The following FNDC3B variants were observed in gnomAD, a reference collection of about 807,000 sequenced individuals.
The protein encoded by FNDC3B is fibronectin type III domain-containing protein 3B.
A neutral mutation model predicts 151.5 loss-of-function variants in FNDC3B; 12 were observed. That is an observed-to-expected ratio of 0.08 (90% CI 0.05 to 0.13). The LOEUF is 0.13. Among genes scored for constraint, FNDC3B ranks in the 10% least tolerant of loss-of-function variants. The pLI is 1.00. For synonymous variants in FNDC3B, 528 were observed against 549.0 expected, an observed-to-expected ratio of 0.96 and a Z score of 0.54; for missense variants, 1,214 against 1,505.3, an observed-to-expected ratio of 0.81 and a Z score of 3.20.
At chr3:172,162,230 C>T (rs1198289421) in intron 3 of FNDC3B, among the ~76,000 whole-genome samples, 2 of 152,252 alleles carry the variant, frequency 1.3e-5, no homozygotes, top group Admixed American at 6.5e-5. Flanking sequence ...CCACCCACTT[C>T]GGCTTCCCAA....
At chr3:172,295,619 C>A (rs902033588) in intron 8 of FNDC3B, 105 bp downstream of exon 8, 5 of 1,029,070 alleles carry the variant, frequency 4.9e-6, no homozygotes, top group Non-Finnish European at 7.0e-6. Context: ...GCAAATTTTC[C>A]TTTAGTTTAT....
At chr3:172,235,801 G>A (rs1038400628) in intron 4 of FNDC3B, among the ~76,000 whole-genome samples, 1 of 152,204 alleles carries the variant, frequency 6.6e-6, no homozygotes, top group African/African-American at 2.4e-5. Flanking sequence ...ATTTTATGTT[G>A]ATGAATATGC....
At chr3:172,390,421 A>G (rs1735948259) in intron 25 of FNDC3B, among the ~76,000 whole-genome samples, 1 of 152,152 alleles carries the variant, frequency 6.6e-6, no homozygotes, top group Non-Finnish European at 1.5e-5. Flanking sequence ...ATACATTTTC[A>G]GATATCTTCC....
intron 3 of FNDC3B, among the ~76,000 whole-genome samples, chr3:172,192,176 G>GTTT (rs113729648): frequency 1.2e-4 from 16 of 137,044 alleles, no homozygotes; most frequent in East Asian, 8.4e-4. Context: ...TGTGTTTTTT[G>GTTT]TTTTTTTTTT....
At position 172,138,040 on chromosome 3, in the gene FNDC3B, C is replaced by G. The variant is rs540725991; in HGVS notation, c.187+4494C>G. On this transcript the variant is annotated intron_variant, in intron 3 of 25. Transcript: ENST00000415807. ...CTGGGCTGAGGTGCTGGCAATGCAG[C>G]CTTCCTTCCTGTCTACACATGCCAT... Among the ~76,000 whole-genome samples the G allele has an allele frequency of 9.8e-5, 15 of 152,306 alleles. No individual in the cohort carries two copies. In the South Asian group the frequency reaches 2.7e-3, roughly 27 times the overall value.
chr3:172,153,618 ATATACT>A (rs1173284892), intron 3 of FNDC3B, among the ~76,000 whole-genome samples: 1 of 152,234 alleles, frequency 6.6e-6, no homozygotes, highest in East Asian at 1.9e-4. Flanking sequence ...TTCCTGGTAG[ATATACT>A]TAAAAGACAC....
intron 9 of FNDC3B, among the ~76,000 whole-genome samples, chr3:172,300,885 C>T (rs769344908): frequency 6.6e-6 from 1 of 152,144 alleles, no homozygotes; most frequent in African/African-American, 2.4e-5. Context: ...ATGCACAGTC[C>T]ATATAGATCA....
chr3:172,103,183 A>T (rs1224373836), intron 1 of FNDC3B, among the ~76,000 whole-genome samples: 7 of 152,212 alleles, frequency 4.6e-5, no homozygotes, highest in Admixed American at 4.6e-4. Context: ...TTTGTAGATA[A>T]GCCCCCTTTC....
At chr3:172,305,605 G>T (rs1159703235) in intron 9 of FNDC3B, among the ~76,000 whole-genome samples, 1 of 152,204 alleles carries the variant, frequency 6.6e-6, no homozygotes, top group Non-Finnish European at 1.5e-5. Flanking sequence ...CATGGTGTCT[G>T]GTTGTCTCTT....
intron 11 of FNDC3B, among the ~76,000 whole-genome samples, chr3:172,312,348 T>C (rs1446305370): frequency 1.3e-5 from 2 of 152,162 alleles, no homozygotes; most frequent in Non-Finnish European, 2.9e-5. Context: ...TTCTACAGAT[T>C]AGGTGGATTT....
Position 172,285,954 on chromosome 3 carries a change from A to G in FNDC3B, c.819A>G (p.Gln273=). ...ATGAGTTGGAAGTAAAGAGGGTGCA[A>G]GACATTCTTTCGGGAATAGAGAAAC... ...QEYELEVKRV[Q]DILSGIEKPQ... is the part of the protein sequence containing the mutation. Residue 273 remains glutamine (Q), a synonymous_variant, in exon 7 of 26, where the codon CAA becomes CAG. Coordinates refer to ENST00000415807, the MANE Select transcript of FNDC3B (RefSeq NM_022763.4). The G allele has an allele frequency of 6.2e-6, 10 of 1,613,102 alleles. No homozygotes were observed. The highest frequency in any genetic ancestry group is 8.5e-6 in the Non-Finnish European group (10 of 1,179,498).
intron 1 of FNDC3B, among the ~76,000 whole-genome samples, chr3:172,103,205 A>G (rs1422171836): frequency 6.6e-6 from 1 of 152,118 alleles, no homozygotes; most frequent in East Asian, 1.9e-4. Flanking sequence ...CTTTTAGTTA[A>G]TATTTGCAAA....
intron 6 of FNDC3B, among the ~76,000 whole-genome samples, chr3:172,273,120 C>T (rs374736316): frequency 2.0e-5 from 3 of 152,178 alleles, no homozygotes; most frequent in African/African-American, 7.2e-5. Flanking sequence ...TGTACAATTT[C>T]ATACTCAGAA....
intron 17 of FNDC3B, among the ~76,000 whole-genome samples, chr3:172,342,302 C>A (rs1248695267): frequency 6.6e-6 from 1 of 152,218 alleles, no homozygotes; most frequent in East Asian, 1.9e-4. Flanking sequence ...CAAATCAAAG[C>A]TGAGATTATC....
intron 7 of FNDC3B, among the ~76,000 whole-genome samples, chr3:172,287,986 G>A (rs1730115550): frequency 6.6e-6 from 1 of 152,184 alleles, no homozygotes; most frequent in Non-Finnish European, 1.5e-5. Flanking sequence ...ATCCATGACA[G>A]TCTGGCCAGG....
At position 172,251,344 on chromosome 3, in the gene FNDC3B, G is replaced by A. The variant is rs2078600489; in HGVS notation, c.593G>A (p.Arg198His). The change falls in exon 6 of 26, where the codon CGC becomes CAC. Residue 198 changes from arginine to histidine, a missense_variant. Arg to His is a conservative substitution (Grantham distance 29). Around this residue, in one of 7 missense-constraint regions of FNDC3B, gnomAD observed 166 missense variants for 173.2 expected, o/e 0.96. Transcript: ENST00000415807. ...CCTCCGCACAAAAAACTGAAAGACC[G>A]CCAGATCGATCGCCAGAACCGCCTC... ...SKPPHKKLKD[R>H]QIDRQNRLNS... is the part of the protein sequence containing the mutation. The A allele has an allele frequency of 1.1e-5, 17 of 1,613,812 alleles. No homozygotes were observed. The highest frequency in any genetic ancestry group is 1.4e-5 in the Non-Finnish European group (16 of 1,179,976).
intron 4 of FNDC3B, among the ~76,000 whole-genome samples, chr3:172,235,530 A>G (rs1023140612): frequency 3.0e-4 from 46 of 152,162 alleles, no homozygotes; most frequent in African/African-American, 1.1e-3. Context: ...GTCCAGACTG[A>G]TTTCTTGATA....
At chr3:172,133,842 G>A (rs1193960370) in intron 3 of FNDC3B, among the ~76,000 whole-genome samples, 3 of 152,148 alleles carry the variant, frequency 2.0e-5, no homozygotes, top group African/African-American at 4.8e-5. Context: ...GGGGCTAATG[G>A]TAGGAAGTTT....
chr3:172,228,796 T>A (rs934556026), intron 4 of FNDC3B, among the ~76,000 whole-genome samples: 1 of 152,190 alleles, frequency 6.6e-6, no homozygotes, highest in African/African-American at 2.4e-5. Context: ...TCATTTCAAT[T>A]GGGCTCCTTG....
Sources: allele counts gnomAD v4.1 joint callset (sites outside exome capture counted in the v4.1 genomes callset), GRCh38; gene constraint gnomAD v4.1.1; regional missense constraint gnomAD v4.1.1; transcripts MANE v1.5; gene names NCBI Gene and HGNC (gene_info 2026-07-23, HGNC 2026-07-21).